The following LRCH2 variants were observed in gnomAD, a reference collection of about 807,000 sequenced individuals.
LRCH2 encodes the protein leucine-rich repeat and calponin homology domain-containing protein 2.
Under a neutral mutation model 68.9 loss-of-function variants are expected in LRCH2, and 38 were observed. That is an observed-to-expected ratio of 0.55 (90% CI 0.43 to 0.72). The LOEUF is 0.72. Among genes scored for constraint, LRCH2 ranks in the 30% least tolerant of loss-of-function variants. The pLI, the probability that LRCH2 is intolerant of heterozygous loss-of-function variation, is 0.00. For missense variants in LRCH2, 528 were observed against 572.9 expected (o/e 0.92, Z 0.80); for synonymous variants, 191 against 208.1 (o/e 0.92, Z 0.71).
intron 14 of LRCH2, among the ~76,000 whole-genome samples, chrX:115,140,347 T>G (rs1276216268): frequency 9.5e-6 from 1 of 105,804 alleles, no homozygotes; most frequent in Non-Finnish European, 2.0e-5. Flanking sequence ...GGGCCCTGAA[T>G]AACCAGCAGA....
chrX:115,141,419 G>A (rs1556534204), intron 14 of LRCH2, among the ~76,000 whole-genome samples: 1 of 110,739 alleles, frequency 9.0e-6, no homozygotes, highest in Non-Finnish European at 1.9e-5. Context: ...AGGAAAACTG[G>A]AAGCGGCCAG....
intron 20 of LRCH2, among the ~76,000 whole-genome samples, chrX:115,114,531 T>TA (rs1374893139): frequency 9.1e-6 from 1 of 109,979 alleles, no homozygotes; most frequent in East Asian, 2.8e-4. Context: ...AAACAATAGA[T>TA]AAAAAAAATC....
chrX:115,197,741 GTC>G (rs1164876330), intron 1 of LRCH2, among the ~76,000 whole-genome samples: 1 of 103,504 alleles, frequency 9.7e-6, no homozygotes, highest in Non-Finnish European at 2.0e-5. Flanking sequence ...AAAAGAAAAA[GTC>G]TCTCTCTCTC....
chrX:115,127,462 T>G (rs781845579), intron 15 of LRCH2, among the ~76,000 whole-genome samples: 1 of 112,146 alleles, frequency 8.9e-6, no homozygotes, highest in South Asian at 3.7e-4. Context: ...GATTATTGGC[T>G]ACCTACTATA....
At position 115,192,339 on chromosome X, in the gene LRCH2, T is replaced by A. The variant is rs782315823; in HGVS notation, c.350-3969A>T. ...ACGCCCACAGTGGGGGCCGCGACAG[T>A]TCCATCAAGAGTTACGGCCTGAGCG... On this transcript the variant is annotated intron_variant, in intron 1 of 20. Transcript: ENST00000317135. 14 of 1,076,166 alleles carry A rather than the reference T, an allele frequency of 1.3e-5. No individual in the cohort carries two copies. The Admixed American group carries it at 4.1e-4, about 32-fold the overall frequency. 88.7% of individuals were successfully genotyped at this position (1,076,166 alleles called of 1,213,427 possible).
At chrX:115,127,633 A>G (rs782438589) in intron 15 of LRCH2, among the ~76,000 whole-genome samples, 3 of 111,170 alleles carry the variant, frequency 2.7e-5, no homozygotes, top group Non-Finnish European at 5.7e-5. Context: ...AGGCACAGAT[A>G]AGGGGCACTT....
At chrX:115,127,746 T>C (rs1474722181) in intron 15 of LRCH2, among the ~76,000 whole-genome samples, 2 of 110,966 alleles carry the variant, frequency 1.8e-5, no homozygotes, top group Admixed American at 9.7e-5. Context: ...GGGAACAACA[T>C]GCTAAGATGA....
chrX:115,224,080 T>A (rs1427309973), intron 1 of LRCH2, among the ~76,000 whole-genome samples: 1 of 111,992 alleles, frequency 8.9e-6, no homozygotes, highest in Non-Finnish European at 1.9e-5. Flanking sequence ...AAATGAACTT[T>A]GAAAACATAG....
chrX:115,209,420 C>T (rs1326754619), intron 1 of LRCH2, among the ~76,000 whole-genome samples: 1 of 111,791 alleles, frequency 8.9e-6, no homozygotes, highest in East Asian at 2.8e-4. Context: ...AGGGGAGGTT[C>T]CCTGCACAAG....
At chrX:115,190,363 G>C in intron 1 of LRCH2, 1 of 1,162,286 alleles carries the variant, frequency 8.6e-7, no homozygotes, top group Non-Finnish European at 1.1e-6. Flanking sequence ...CAAGAGCTAC[G>C]GAGGCCCATG....
intron 11 of LRCH2, among the ~76,000 whole-genome samples, chrX:115,163,346 C>T (rs954921493): frequency 1.4e-3 from 153 of 111,295 alleles, no homozygotes; most frequent in African/African-American, 4.8e-3. Context: ...AGCACACACA[C>T]AGGAATAAAA....
chrX:115,189,900 A>G (rs1273923237), intron 1 of LRCH2: 8 of 1,159,902 alleles, frequency 6.9e-6, no homozygotes, highest in Non-Finnish European at 9.2e-6. Context: ...GCGGGCCGCC[A>G]CCGCGGCACT....
chrX:115,140,603 C>A (rs1462391319), intron 14 of LRCH2, among the ~76,000 whole-genome samples: 1 of 109,670 alleles, frequency 9.1e-6, no homozygotes, highest in Non-Finnish European at 1.9e-5. Flanking sequence ...CTGGACCTGC[C>A]CCAAGCCAGA....
chrX:115,214,122 G>A (rs782570572), intron 1 of LRCH2, among the ~76,000 whole-genome samples: 2 of 111,990 alleles, frequency 1.8e-5, no homozygotes, highest in Non-Finnish European at 3.8e-5. Flanking sequence ...AATGTTCTCT[G>A]TTCTTTGGTA....
chrX:115,157,521 G>T (rs2072485214), intron 11 of LRCH2, among the ~76,000 whole-genome samples: 1 of 106,123 alleles, frequency 9.4e-6, no homozygotes, highest in Admixed American at 1.1e-4. Flanking sequence ...CCATTACGCT[G>T]GATTCCTCAC....
rs143604201 is a variant in LRCH2, at chrX:115,207,183, A to C, written c.350-18813T>G. ...ATTGAGAAATACATGCAAAACTGGT[A>C]TTTTAACTGAGTTCCAGCAAAAAAT... On this transcript the variant is annotated intron_variant, in intron 1 of 20. Coordinates refer to ENST00000317135, the MANE Select transcript of LRCH2 (RefSeq NM_020871.4). 4.8e-3 allele frequency among the ~76,000 whole-genome samples: 531 copies of C among 111,575 alleles called. 6 individuals carry two copies. Among genetic ancestry groups the C allele is most frequent in the Middle Eastern group, 9.2e-3 (2 of 218 alleles).
chrX:115,176,841 G>C (rs1305310931), intron 5 of LRCH2, among the ~76,000 whole-genome samples: 11 of 105,750 alleles, frequency 1.0e-4, no homozygotes, highest in Non-Finnish European at 1.9e-4. Context: ...CCTCCTCCAA[G>C]GATCAAGCGA....
rs5988234 is a variant in LRCH2 at position 115,197,300 on chromosome X, A to G, written c.350-8930T>C. On this transcript the variant is annotated intron_variant, in intron 1 of 20. Transcript: ENST00000317135. ...TCCAGCAGTAGATCCTAACCAAAAA[A>G]GAAAAAAAAATCCTCAAAATCCCAG... 2.3e-3 allele frequency among the ~76,000 whole-genome samples: 254 copies of G among 112,010 alleles called. 1 individual carries two copies. The highest frequency in any genetic ancestry group is 2.9e-3 in the African/African-American group (90 of 30,850).
chrX:115,131,455 A>G (rs1365355721), intron 14 of LRCH2, among the ~76,000 whole-genome samples: 30 of 111,509 alleles, frequency 2.7e-4, no homozygotes, highest in African/African-American at 9.5e-4. Context: ...TTATGGCTGC[A>G]GAGTATTCCA....
Sources: allele counts gnomAD v4.1 joint callset (sites outside exome capture counted in the v4.1 genomes callset), GRCh38; gene constraint gnomAD v4.1.1; transcripts MANE v1.5; gene names NCBI Gene and HGNC (gene_info 2026-07-23, HGNC 2026-07-21).